The following NTM variants were observed in gnomAD, a reference collection of about 807,000 sequenced individuals.
NTM encodes the protein IgLON family member 2.
A neutral mutation model predicts 42.1 loss-of-function variants in NTM; 13 were observed. That is an observed-to-expected ratio of 0.31 (90% CI 0.20 to 0.49). The LOEUF (loss-of-function observed/expected upper bound fraction) is 0.49, where lower values mean the gene tolerates loss of function less well. Ranked by LOEUF, NTM falls within the 20% of genes least tolerant of loss-of-function variation. NTM has a pLI of 0.99. For synonymous variants in NTM, 187 were observed against 179.2 expected, an observed-to-expected ratio of 1.04 and a Z score of -0.35; for missense variants, 373 against 452.8, an observed-to-expected ratio of 0.82 and a Z score of 1.60.
intron 1 of NTM, chr11:131,796,151 G>A (rs1285647702): frequency 1.0e-6 from 1 of 985,270 alleles, no homozygotes; most frequent in Non-Finnish European, 1.2e-6. Flanking sequence ...AGGGCAAAAT[G>A]AAATATCGAA....
intron 1 of NTM, among the ~76,000 whole-genome samples, chr11:131,822,177 C>T (rs149806686): frequency 8.5e-4 from 130 of 152,232 alleles, no homozygotes; most frequent in Non-Finnish European, 1.5e-3. Context: ...GTCGTCACCC[C>T]GTTTAATTAC....
intron 1 of NTM, among the ~76,000 whole-genome samples, chr11:131,754,864 C>T (rs771494937): frequency 9.2e-5 from 14 of 152,048 alleles, no homozygotes; most frequent in Non-Finnish European, 1.6e-4. Flanking sequence ...AAAAGGAATG[C>T]GCTATTGATA....
chr11:132,165,887 A>G (rs974482846), intron 3 of NTM, among the ~76,000 whole-genome samples: 1 of 152,130 alleles, frequency 6.6e-6, no homozygotes, highest in Admixed American at 6.5e-5. Context: ...TCATGCTTTA[A>G]TTTAATTTAT....
intron 1 of NTM, among the ~76,000 whole-genome samples, chr11:131,816,378 G>A (rs143596283): frequency 1.5e-3 from 226 of 152,162 alleles, no homozygotes; most frequent in Admixed American, 4.8e-3. Context: ...ACCTACCATC[G>A]TAGTTTTTTA....
At chr11:132,057,315 C>G (rs1247402075) in intron 2 of NTM, among the ~76,000 whole-genome samples, 1 of 151,684 alleles carries the variant, frequency 6.6e-6, no homozygotes, top group Non-Finnish European at 1.5e-5. Context: ...AGATATAAAT[C>G]TAGTTCGTTT....
In NTM at chr11:131,377,347, T is replaced by A. The variant is rs182543462; in HGVS notation, c.82+6459T>A. ...TTGAGTTACTGGTTGATGCTGAACA[T>A]CACTGTCACCTCTCTGGCCTCTCCA... is the stretch of plus-strand genomic sequence containing the variant. On this transcript the variant is annotated intron_variant, in intron 1 of 8. Coordinates refer to ENST00000683400, the MANE Select transcript of NTM (RefSeq NM_001352005.2). 5.6e-4 allele frequency among the ~76,000 whole-genome samples: 85 copies of A among 152,306 alleles called. No homozygotes were observed. In the East Asian group the frequency reaches 0.016, roughly 29 times the overall value.
chr11:132,057,160 G>C (rs1285114635), intron 2 of NTM, among the ~76,000 whole-genome samples: 3 of 152,144 alleles, frequency 2.0e-5, no homozygotes, highest in African/African-American at 7.2e-5. Context: ...TATCATACTT[G>C]AGCTATCTGA....
chr11:131,469,940 T>G (rs1426726593), intron 1 of NTM, among the ~76,000 whole-genome samples: 1 of 152,210 alleles, frequency 6.6e-6, no homozygotes, highest in Non-Finnish European at 1.5e-5. Flanking sequence ...GGTTTGGAAA[T>G]CCTATGAATC....
intron 1 of NTM, among the ~76,000 whole-genome samples, chr11:131,507,320 T>C (rs897530295): frequency 2.0e-5 from 3 of 151,738 alleles, no homozygotes; most frequent in African/African-American, 7.3e-5. Context: ...GGGAATCCTT[T>C]CCCCATTGCT....
At chr11:131,911,398 C>G (rs901215064) in intron 1 of NTM, 166 bp from the exon 2 acceptor site, 1 of 1,594,892 alleles carries the variant, frequency 6.3e-7, no homozygotes, top group Non-Finnish European at 8.6e-7. Context: ...CGCGCTCGCT[C>G]CGCACCCCAC....
intron 1 of NTM, among the ~76,000 whole-genome samples, chr11:131,636,081 C>A (rs2064335328): frequency 6.6e-6 from 1 of 152,136 alleles, no homozygotes; most frequent in Admixed American, 6.5e-5. Flanking sequence ...AGAATGTATT[C>A]TGTGGTTAAG....
intron 1 of NTM, among the ~76,000 whole-genome samples, chr11:131,821,315 A>C (rs773827207): frequency 5.3e-5 from 8 of 152,180 alleles, no homozygotes; most frequent in Non-Finnish European, 8.8e-5. Context: ...TGAGATCCTT[A>C]GTCATGACCT....
chr11:131,821,077 C>T (rs1040531313), intron 1 of NTM, among the ~76,000 whole-genome samples: 4 of 150,752 alleles, frequency 2.7e-5, no homozygotes, highest in Middle Eastern at 3.2e-3. Flanking sequence ...GATTGGTAAT[C>T]CCATTTCACA....
intron 1 of NTM, among the ~76,000 whole-genome samples, chr11:131,410,053 C>T (rs964810715): frequency 5.9e-5 from 9 of 152,034 alleles, no homozygotes; most frequent in South Asian, 2.1e-4. Flanking sequence ...GGAAGCTGAC[C>T]GGCTTTCCCT....
At chr11:131,641,016 G>A (rs1482343447) in intron 1 of NTM, among the ~76,000 whole-genome samples, 4 of 152,136 alleles carry the variant, frequency 2.6e-5, no homozygotes, top group African/African-American at 4.8e-5. Flanking sequence ...CAAGAGACCC[G>A]AAATTGGTCT....
intron 1 of NTM, chr11:131,661,112 C>T (rs1343157069): frequency 1.5e-5 from 17 of 1,143,898 alleles, no homozygotes; most frequent in Non-Finnish European, 1.9e-5. Flanking sequence ...CCCCTAGATT[C>T]GGTGGAGATT....
At chr11:132,089,574 A>AT (rs985401009) in intron 2 of NTM, among the ~76,000 whole-genome samples, 3 of 152,140 alleles carry the variant, frequency 2.0e-5, no homozygotes, top group African/African-American at 4.8e-5. Flanking sequence ...AAAAAGATGA[A>AT]TTTTTTCATA....
At chr11:131,457,400 T>G (rs1039304283) in intron 1 of NTM, among the ~76,000 whole-genome samples, 1 of 148,642 alleles carries the variant, frequency 6.7e-6, no homozygotes, top group East Asian at 2.0e-4. Context: ...AAAAGAGGGG[T>G]GGGGGAAGGG....
chr11:131,420,282 G>A (rs954372352), intron 1 of NTM, among the ~76,000 whole-genome samples: 2 of 152,120 alleles, frequency 1.3e-5, no homozygotes, highest in Non-Finnish European at 2.9e-5. Flanking sequence ...CCTGATGATG[G>A]GAGAAAGAGG....
Sources: gnomAD v4.1 joint callset for allele counts (sites outside exome capture counted in the v4.1 genomes callset) on GRCh38, gnomAD v4.1.1 for gene constraint, MANE v1.5 for transcripts, NCBI Gene and HGNC (gene_info 2026-07-23, HGNC 2026-07-21) for gene names.